Variants in RAB3GAP1 observed in about 807,000 individuals in gnomAD.
RAB3GAP1 encodes the protein rab3 GTPase-activating protein catalytic subunit.
RAB3GAP1 carries 86 observed loss-of-function variants against 130.7 expected under a neutral mutation model. The ratio of observed to expected loss-of-function variants is 0.66; its 90% CI spans 0.55 to 0.79. The LOEUF (loss-of-function observed/expected upper bound fraction) is 0.79, where lower values mean the gene tolerates loss of function less well. Among genes scored for constraint, RAB3GAP1 ranks in the 30% least tolerant of loss-of-function variants. The pLI, the probability that RAB3GAP1 is intolerant of heterozygous loss-of-function variation, is 0.00. For synonymous variants in RAB3GAP1, 367 were observed against 401.7 expected (o/e 0.91, Z 1.03); for missense variants, 1,029 against 1,169.4 (o/e 0.88, Z 1.75).
chr2:135,062,166 G>A (rs1052923608), intron 3 of RAB3GAP1, among the ~76,000 whole-genome samples: 2 of 151,998 alleles, frequency 1.3e-5, no homozygotes, highest in Non-Finnish European at 2.9e-5. Flanking sequence ...CGCCCGCCTC[G>A]GCTTCCCAAA....
chr2:135,095,283 C>A (rs865942416), intron 5 of RAB3GAP1, among the ~76,000 whole-genome samples: 1 of 152,140 alleles, frequency 6.6e-6, no homozygotes, highest in African/African-American at 2.4e-5. Flanking sequence ...CTCCTGACCT[C>A]GTGATCCGCC....
In RAB3GAP1 at chr2:135,126,189, A is replaced by AT. The variant is rs1558788680; in HGVS notation, c.842dup (p.Leu281PhefsTer16). 6.2e-7 allele frequency: 1 copy of AT among 1,611,974 alleles called. No homozygotes were observed. The highest frequency in any genetic ancestry group is 2.2e-5 in the East Asian group (1 of 44,756). Reference sequence around the variant, plus strand: ...TATTTTATGTTTTTTAGTGAACTCCATTTAGCTACTACATGGCCTCATCTG... The same window carrying AT: ...TATTTTATGTTTTTTAGTGAACTCCATTTTAGCTACTACATGGCCTCATCTG... On this transcript the variant is annotated frameshift_variant, in exon 10 of 24. Transcript: ENST00000264158. LOFTEE classifies it high-confidence loss of function.
intron 3 of RAB3GAP1, among the ~76,000 whole-genome samples, chr2:135,076,208 T>C (rs1163023029): frequency 1.3e-5 from 2 of 152,084 alleles, no homozygotes; most frequent in Non-Finnish European, 2.9e-5. Context: ...GTGCCCGGCC[T>C]TCTGTAACAG....
intron 17 of RAB3GAP1, chr2:135,137,213 G>A (rs1325909887): frequency 5.0e-5 from 21 of 416,828 alleles, no homozygotes; most frequent in Non-Finnish European, 9.0e-5. Flanking sequence ...ACCTACGATG[G>A]CTTTTTGTTT....
intron 3 of RAB3GAP1, among the ~76,000 whole-genome samples, chr2:135,065,461 T>C (rs940093374): frequency 6.6e-6 from 1 of 152,234 alleles, no homozygotes; most frequent in Non-Finnish European, 1.5e-5. Flanking sequence ...TTTTAAAAGC[T>C]ATACATTAAA....
At chr2:135,105,502 G>T (rs889133514) in intron 5 of RAB3GAP1, among the ~76,000 whole-genome samples, 1 of 152,090 alleles carries the variant, frequency 6.6e-6, no homozygotes, top group Non-Finnish European at 1.5e-5. Flanking sequence ...TGGAGGTGCC[G>T]GGATTGCAGA....
Position 135,091,133 on chromosome 2 carries a change from A to G in RAB3GAP1, c.283+3A>G. The G allele has an allele frequency of 6.4e-7, 1 of 1,573,304 alleles. No homozygotes were observed. Among genetic ancestry groups the G allele is most frequent in the Non-Finnish European group, 8.7e-7 (1 of 1,143,916 alleles). ...AGGAAAGGATGAGTTATTAGAGGGT[A>G]AGTTATTTCTATATAATAATATTAA... On this transcript the variant is annotated splice_donor_region_variant and intron_variant, in intron 4 of 23. Coordinates refer to ENST00000264158, the MANE Select transcript of RAB3GAP1 (RefSeq NM_012233.3).
At position 135,052,305 on chromosome 2, in the gene RAB3GAP1, A is replaced by C; in HGVS notation, c.-3A>C. 6.2e-7 allele frequency: 1 copy of C among 1,613,536 alleles called. No homozygotes were observed. On this transcript the variant is annotated 5_prime_UTR_variant, in exon 1 of 24. Coordinates refer to ENST00000264158, the MANE Select transcript of RAB3GAP1 (RefSeq NM_012233.3). The stretch of plus-strand genomic sequence containing the variant: ...CTTAGCGCCAGGCCCGGCGCTCCTC[A>C]AGATGGCTGCCGACAGTGAGGTGAT...
At chr2:135,126,061 T>C in intron 9 of RAB3GAP1, 120 bp from the exon 10 acceptor site, 3 of 751,708 alleles carry the variant, frequency 4.0e-6, no homozygotes, top group Non-Finnish European at 6.8e-6. Flanking sequence ...TTCCAGTATG[T>C]TGTATTATAA....
At position 135,115,384 on chromosome 2, in the gene RAB3GAP1, G is replaced by A. The variant is rs746337492; in HGVS notation, c.648+3G>A. 1.2e-6 allele frequency: 2 copies of A among 1,607,936 alleles called. No homozygotes were observed. Among genetic ancestry groups the A allele is most frequent in the East Asian group, 2.2e-5 (1 of 44,666 alleles). ...TGGATATCTTCAAATCAAAGATTGT[G>A]AGTTGGGATTGATATTGTCAGTCTT... On this transcript the variant is annotated splice_donor_region_variant and intron_variant, in intron 7 of 23. Coordinates refer to ENST00000264158, the MANE Select transcript of RAB3GAP1 (RefSeq NM_012233.3).
intron 14 of RAB3GAP1, 109 bp downstream of exon 14, chr2:135,133,093 C>A: frequency 1.3e-6 from 1 of 754,016 alleles, no homozygotes; most frequent in Non-Finnish European, 2.2e-6. Flanking sequence ...TTAAAAATCA[C>A]CTTGGGAATT....
chr2:135,117,451 CTT>C lies in RAB3GAP1; in HGVS notation c.648+2071_648+2072del, dbSNP rs1373121640. Reference sequence around the variant, plus strand: ...TCTTCTTCTTCTTCTTCTTCTTCTTCTTCTGCTTCTGCTTCTGCTTCTGCTTC... The same window carrying C: ...TCTTCTTCTTCTTCTTCTTCTTCTTCCTGCTTCTGCTTCTGCTTCTGCTTC... On this transcript the variant is annotated intron_variant, in intron 7 of 23. Transcript: ENST00000264158. Among the ~76,000 whole-genome samples the C allele has an allele frequency of 3.3e-4, 39 of 117,576 alleles. 1 individual carries two copies. The highest frequency in any genetic ancestry group is 5.0e-3 in the Middle Eastern group (1 of 200). The allele number at this position is 117,576 out of a possible 152,430, so 77.1% of individuals were successfully genotyped here. A position where few individuals can be genotyped will look rare whatever the true frequency, so the allele number is the denominator to read the frequency against.
chr2:135,163,149 AC>A, intron 22 of RAB3GAP1, 48 bp downstream of exon 22: 1 of 1,305,978 alleles, frequency 7.7e-7, no homozygotes, highest in Non-Finnish European at 1.1e-6. Context: ...AGGAAAAGCC[AC>A]CACTCTCTTA....
intron 3 of RAB3GAP1, chr2:135,058,357 A>G (rs1401113056): frequency 4.0e-6 from 1 of 247,526 alleles, no homozygotes; most frequent in Non-Finnish European, 7.6e-6. Context: ...ATTCTTTGTG[A>G]GTGAAGTTTG....
At chr2:135,080,199 G>A (rs184710078) in intron 3 of RAB3GAP1, among the ~76,000 whole-genome samples, 1 of 151,890 alleles carries the variant, frequency 6.6e-6, no homozygotes, top group East Asian at 1.9e-4. Context: ...ACACACACAT[G>A]AATTATCTGG....
At position 135,149,946 on chromosome 2, in the gene RAB3GAP1, C is replaced by T. The variant is rs537386256; in HGVS notation, c.1924-423C>T. Among the ~76,000 whole-genome samples, 21 of 152,282 alleles carry T rather than the reference C, an allele frequency of 1.4e-4. No homozygotes were observed. In the South Asian group the frequency reaches 3.7e-3, roughly 27 times the overall value. ...TGCTGGGATTACAGGCATGAGCCAC[C>T]GTGCCTGGCCCTGTTAGAGCAATTA... On this transcript the variant is annotated intron_variant, in intron 17 of 23. Coordinates refer to ENST00000264158, the MANE Select transcript of RAB3GAP1 (RefSeq NM_012233.3).
intron 19 of RAB3GAP1, among the ~76,000 whole-genome samples, chr2:135,159,722 T>C (rs1391575371): frequency 1.3e-5 from 2 of 152,166 alleles, no homozygotes; most frequent in Admixed American, 6.5e-5. Context: ...AGCCAAAAAA[T>C]GGAACAAACC....
At chr2:135,136,665 G>T in intron 17 of RAB3GAP1, 1 of 1,255,556 alleles carries the variant, frequency 8.0e-7, no homozygotes, top group Non-Finnish European at 1.1e-6. Context: ...TGTGGACAAA[G>T]ACTTATGGAT....
rs570852030 is a variant in RAB3GAP1, at chr2:135,087,739, A to G, written c.151-3259A>G. On this transcript the variant is annotated intron_variant, in intron 3 of 23. Transcript: ENST00000264158. Reference sequence around the variant, plus strand: ...GACCTTGAATTTCATAACTTTGTAAACTCATCAGTTTTAGTCATTTGTTTG... The same window carrying G: ...GACCTTGAATTTCATAACTTTGTAAGCTCATCAGTTTTAGTCATTTGTTTG... 2.3e-4 allele frequency among the ~76,000 whole-genome samples: 35 copies of G among 152,060 alleles called. 1 individual carries two copies. The highest frequency in any genetic ancestry group is 5.2e-4 in the Admixed American group (8 of 15,268).
Sources: gnomAD v4.1 joint callset for allele counts (sites outside exome capture counted in the v4.1 genomes callset) on GRCh38, gnomAD v4.1.1 for gene constraint, MANE v1.5 for transcripts, NCBI Gene and HGNC (gene_info 2026-07-23, HGNC 2026-07-21) for gene names.